RAB2A: variants seen among roughly 807,000 people sequenced by gnomAD.
RAB2A encodes the protein RAB2A, member RAS oncogene family, also known as ras-related protein Rab-2A.
A neutral mutation model predicts 32.5 loss-of-function variants in RAB2A; 7 were observed. The ratio of observed to expected loss-of-function variants is 0.22; its 90% CI spans 0.12 to 0.40. RAB2A has a LOEUF of 0.40. RAB2A is among the 10% of genes least tolerant of loss of function. RAB2A has a pLI of 1.00. For missense variants in RAB2A, 108 were observed against 260.7 expected, an observed-to-expected ratio of 0.41 and a Z score of 4.03; for synonymous variants, 79 against 85.2, an observed-to-expected ratio of 0.93 and a Z score of 0.40.
intron 1 of RAB2A, among the ~76,000 whole-genome samples, chr8:60,526,996 TG>T (rs1030323775): frequency 2.0e-5 from 3 of 149,180 alleles, no homozygotes; most frequent in Non-Finnish European, 4.4e-5. Context: ...AAGAAGTACT[TG>T]GGACTGGGGA....
At chr8:60,574,635 G>A (rs1360209063) in intron 3 of RAB2A, among the ~76,000 whole-genome samples, 2 of 152,118 alleles carry the variant, frequency 1.3e-5, no homozygotes, top group African/African-American at 2.4e-5. Flanking sequence ...TGAAACTTGA[G>A]TAAGCCATTC....
chr8:60,550,290 C>CA (rs1807825291), intron 1 of RAB2A, among the ~76,000 whole-genome samples: 2 of 78,394 alleles, frequency 2.6e-5, no homozygotes, highest in African/African-American at 3.2e-4. Context: ...CTCTGCCTCA[C>CA]AAATTCAATT....
At chr8:60,564,419 A>G (rs528848975) in intron 2 of RAB2A, among the ~76,000 whole-genome samples, 1 of 152,076 alleles carries the variant, frequency 6.6e-6, no homozygotes, top group African/African-American at 2.4e-5. Flanking sequence ...TAATGTCTCT[A>G]TTTTCTTTTC....
intron 1 of RAB2A, among the ~76,000 whole-genome samples, chr8:60,522,399 T>C (rs942476657): frequency 2.0e-5 from 3 of 152,214 alleles, no homozygotes; most frequent in Non-Finnish European, 4.4e-5. Context: ...GTCCCAAGAC[T>C]ACACACTTAA....
At chr8:60,534,987 A>G (rs1458180248) in intron 1 of RAB2A, among the ~76,000 whole-genome samples, 1 of 151,902 alleles carries the variant, frequency 6.6e-6, no homozygotes, top group Non-Finnish European at 1.5e-5. Flanking sequence ...GAGAATTTGT[A>G]GGAGAAATAG....
intron 2 of RAB2A, among the ~76,000 whole-genome samples, chr8:60,568,954 A>G (rs1419414841): frequency 6.6e-6 from 1 of 152,234 alleles, no homozygotes. Context: ...TGATTTTAAA[A>G]TGTTAATATT....
intron 1 of RAB2A, among the ~76,000 whole-genome samples, chr8:60,543,119 G>A (rs922443379): frequency 1.3e-5 from 2 of 152,158 alleles, no homozygotes; most frequent in Non-Finnish European, 1.5e-5. Flanking sequence ...AACTAACAAC[G>A]TAAGAGTCTT....
At position 60,622,669 on chromosome 8, in the gene RAB2A, T is replaced by C. The variant is rs1804548025; in HGVS notation, c.*1900T>C. The C allele has an allele frequency of 6.6e-6, 1 of 152,186 alleles. No homozygotes were observed. The highest frequency in any genetic ancestry group is 1.5e-5 in the Non-Finnish European group (1 of 68,034). The allele number at this position is 152,186 out of a possible 1,614,324, so 9.4% of individuals were successfully genotyped here. A position where few individuals can be genotyped will look rare whatever the true frequency, so the allele number is the denominator to read the frequency against. ...TCTTTTCCATACTTTCTCCCCTAAT[T>C]CTTTTATTTGAAGAAGAGAACTTAA... On this transcript the variant is annotated 3_prime_UTR_variant, in exon 8 of 8. Coordinates refer to ENST00000262646, the MANE Select transcript of RAB2A (RefSeq NM_002865.3).
At position 60,620,957 on chromosome 8, in the gene RAB2A, T is replaced by C. The variant is rs897112684; in HGVS notation, c.*188T>C. The C allele has an allele frequency of 1.5e-5, 8 of 534,948 alleles. No individual in the cohort carries two copies. Among genetic ancestry groups the C allele is most frequent in the African/African-American group, 1.4e-4 (7 of 50,818 alleles). The allele number at this position is 534,948 out of a possible 1,614,324, so 33.1% of individuals were successfully genotyped here. On this transcript the variant is annotated 3_prime_UTR_variant, in exon 8 of 8. Coordinates refer to ENST00000262646, the MANE Select transcript of RAB2A (RefSeq NM_002865.3). Reference sequence around the variant, plus strand: ...TCACTTAAAAGACAGATTTTGGAGATTGTATTCATATCTATTTGCATTTGA... The same window carrying C: ...TCACTTAAAAGACAGATTTTGGAGACTGTATTCATATCTATTTGCATTTGA...
chr8:60,599,840 A>G (rs2150432188), intron 6 of RAB2A, among the ~76,000 whole-genome samples: 1 of 152,262 alleles, frequency 6.6e-6, no homozygotes, highest in Middle Eastern at 3.4e-3. Flanking sequence ...AAAAAGAAAA[A>G]TTTCAGTATC....
intron 6 of RAB2A, among the ~76,000 whole-genome samples, chr8:60,614,505 G>A (rs750767333): frequency 7.2e-5 from 11 of 152,010 alleles, no homozygotes; most frequent in Admixed American, 2.0e-4. Context: ...TCCTGCCTAC[G>A]CCTCTTTCAG....
At chr8:60,602,173 T>C (rs1563483806) in intron 6 of RAB2A, among the ~76,000 whole-genome samples, 1 of 152,128 alleles carries the variant, frequency 6.6e-6, no homozygotes, top group African/African-American at 2.4e-5. Flanking sequence ...CCACTGTGCC[T>C]GGGCAGCCTG....
intron 1 of RAB2A, among the ~76,000 whole-genome samples, chr8:60,545,160 T>A (rs1490072245): frequency 6.6e-6 from 1 of 152,148 alleles, no homozygotes; most frequent in Non-Finnish European, 1.5e-5. Flanking sequence ...ACAAGGAAAA[T>A]GAACTCCAGT....
intron 5 of RAB2A, 88 bp downstream of exon 5, chr8:60,584,903 G>A (rs186062874): frequency 2.2e-6 from 2 of 902,050 alleles, no homozygotes; most frequent in African/African-American, 1.7e-5. Context: ...TTGTTCAAAT[G>A]TGAGTTACCA....
At chr8:60,587,978 C>T (rs986318178) in intron 5 of RAB2A, among the ~76,000 whole-genome samples, 8 of 152,148 alleles carry the variant, frequency 5.3e-5, no homozygotes, top group Admixed American at 3.3e-4. Flanking sequence ...CTGATGGGAA[C>T]GTAAAATGAT....
intron 1 of RAB2A, among the ~76,000 whole-genome samples, chr8:60,527,779 G>C (rs1370444994): frequency 6.6e-6 from 1 of 151,976 alleles, no homozygotes; most frequent in Non-Finnish European, 1.5e-5. Flanking sequence ...AGTAACTGCT[G>C]ACATTGAGAA....
intron 3 of RAB2A, among the ~76,000 whole-genome samples, chr8:60,583,728 C>T (rs368730142): frequency 6.6e-6 from 1 of 152,146 alleles, no homozygotes; most frequent in Non-Finnish European, 1.5e-5. Flanking sequence ...AGATGGTGGG[C>T]GTAAAGATGT....
intron 5 of RAB2A, among the ~76,000 whole-genome samples, chr8:60,589,223 G>A (rs965433313): frequency 6.6e-6 from 1 of 152,090 alleles, no homozygotes; most frequent in Non-Finnish European, 1.5e-5. Flanking sequence ...CTTAAATTTG[G>A]TCACCGACCA....
intron 6 of RAB2A, among the ~76,000 whole-genome samples, chr8:60,607,448 A>G (rs951364835): frequency 3.3e-5 from 5 of 150,834 alleles, no homozygotes; most frequent in African/African-American, 4.9e-5. Flanking sequence ...AAAAAAAAAA[A>G]AGGTTTTTGT....
Sources: gnomAD v4.1 joint callset for allele counts (sites outside exome capture counted in the v4.1 genomes callset) on GRCh38, gnomAD v4.1.1 for gene constraint, MANE v1.5 for transcripts, NCBI Gene and HGNC (gene_info 2026-07-23, HGNC 2026-07-21) for gene names.